The following ODAD1 variants were observed in gnomAD, a reference collection of about 807,000 sequenced individuals.
ODAD1 encodes the protein outer dynein arm docking complex subunit 1, also known as outer dynein arm-docking complex subunit 1.
Under a neutral mutation model 67.2 loss-of-function variants are expected in ODAD1, and 49 were observed. The ratio of observed to expected loss-of-function variants is 0.73; its 90% CI spans 0.58 to 0.92. ODAD1 has a LOEUF of 0.92. ODAD1 is among the 40% of genes least tolerant of loss of function. The pLI is 0.00. For synonymous variants in ODAD1, 345 were observed against 393.7 expected (o/e 0.88, Z 1.46); for missense variants, 897 against 953.7 (o/e 0.94, Z 0.78).
At chr19:48,313,447 C>A (rs113193629) in intron 5 of ODAD1, among the ~76,000 whole-genome samples, 10,979 of 74,134 alleles carry the variant, frequency 0.15, 1,025 homozygotes, top group Non-Finnish European at 0.18. Context: ...AAAAAAAAAA[C>A]CAAAAAAAAA....
chr19:48,299,535 G>A (rs1452358068), intron 12 of ODAD1, among the ~76,000 whole-genome samples: 1 of 152,014 alleles, frequency 6.6e-6, no homozygotes, highest in Non-Finnish European at 1.5e-5. Context: ...CCGGCGCAGT[G>A]GCTCACACCT....
chr19:48,313,032 G>A (rs968309887), intron 5 of ODAD1, among the ~76,000 whole-genome samples: 3 of 152,256 alleles, frequency 2.0e-5, no homozygotes, highest in East Asian at 3.9e-4. Flanking sequence ...CTCCCTGTCC[G>A]AGACAAAGAA....
chr19:48,321,936 C>G lies in ODAD1; in HGVS notation c.-322G>C, dbSNP rs1011556156. The G allele has an allele frequency of 1.0e-5, 4 of 396,062 alleles. No homozygotes were observed. Among genetic ancestry groups the G allele is most frequent in the African/African-American group, 8.2e-5 (4 of 48,600 alleles). The allele number at this position is 396,062 out of a possible 1,614,324, so 24.5% of individuals were successfully genotyped here. A position where few individuals can be genotyped will look rare whatever the true frequency, so the allele number is the denominator to read the frequency against. On this transcript the variant is annotated 5_prime_UTR_variant, in exon 1 of 16. Transcript: ENST00000674294. ...GCTTCCCGGGAAGCAGCCAAAAACG[C>G]TTGGCCGCCTACCACGTCCGCGCGC...
At chr19:48,305,878 G>T (rs1233850276) in intron 8 of ODAD1, among the ~76,000 whole-genome samples, 1 of 151,942 alleles carries the variant, frequency 6.6e-6, no homozygotes, top group Non-Finnish European at 1.5e-5. Flanking sequence ...GGTCAAGATG[G>T]TGAAACCCCA....
chr19:48,300,275 C>G (rs10424069), intron 12 of ODAD1, among the ~76,000 whole-genome samples: 27,174 of 151,978 alleles, frequency 0.18, 2,542 homozygotes, highest in Middle Eastern at 0.23. Context: ...TGCACTCCAG[C>G]CTGGGCAAAA....
chr19:48,307,042 G>A (rs1968624719), intron 7 of ODAD1, among the ~76,000 whole-genome samples: 1 of 152,122 alleles, frequency 6.6e-6, no homozygotes, highest in Non-Finnish European at 1.5e-5. Context: ...AAATTAACCA[G>A]GCGTGGTGGT....
chr19:48,314,086 T>C (rs2147331027), intron 5 of ODAD1, among the ~76,000 whole-genome samples: 1 of 151,776 alleles, frequency 6.6e-6, no homozygotes, highest in Admixed American at 6.6e-5. Context: ...CTACTAAACA[T>C]ACAAAAATTA....
chr19:48,320,895 C>A lies in ODAD1; in HGVS notation c.-63-84G>T, dbSNP rs77833948. 5.1e-3 allele frequency: 784 copies of A among 153,838 alleles called. 11 individuals carry two copies. The highest frequency in any genetic ancestry group is 0.018 in the African/African-American group (747 of 41,536). The allele number at this position is 153,838 out of a possible 1,614,324, so 9.5% of individuals were successfully genotyped here. A position where few individuals can be genotyped will look rare whatever the true frequency, so the allele number is the denominator to read the frequency against. On this transcript the variant is annotated intron_variant, in intron 1 of 15. Transcript: ENST00000674294. ...GCGGGAGAAACTATGGGAGGAGGGGCGGAGAAGGATGCGAGGCGTAGACCT... is the reference window on the plus strand; with the variant it reads ...GCGGGAGAAACTATGGGAGGAGGGGAGGAGAAGGATGCGAGGCGTAGACCT...
Position 48,297,220 on chromosome 19 carries a change from G to C in ODAD1, c.1880C>G (p.Ser627Cys). Reference sequence around the variant, plus strand: ...GTGGCCCCCACTCGAGGCACTGGTGGAGCCGAAGGTCACGTGGCCAGTGTT... The same window carrying C: ...GTGGCCCCCACTCGAGGCACTGGTGCAGCCGAAGGTCACGTGGCCAGTGTT... The part of the protein sequence containing the change: ...DPNTGHVTFG[S>C]TSASSGGHVT... The change falls in exon 16 of 16, where the codon TCC becomes TGC. Residue 627 changes from serine (S) to cysteine (C), a missense_variant. Physicochemically the swap from Ser to Cys is moderately radical, Grantham distance 112 (BLOSUM62 -1). Transcript: ENST00000674294. The C allele has an allele frequency of 6.2e-7, 1 of 1,614,166 alleles. No homozygotes were observed. Among genetic ancestry groups the C allele is most frequent in the Non-Finnish European group, 8.5e-7 (1 of 1,180,024 alleles).
chr19:48,318,947 C>T, intron 3 of ODAD1, 135 bp from the exon 4 acceptor site: 1 of 622,262 alleles, frequency 1.6e-6, no homozygotes, highest in Non-Finnish European at 2.9e-6. Context: ...CCCAACACCC[C>T]TCTAGGAATG....
intron 12 of ODAD1, among the ~76,000 whole-genome samples, chr19:48,301,333 A>G (rs1223453665): frequency 2.0e-5 from 3 of 152,204 alleles, no homozygotes; most frequent in Middle Eastern, 3.2e-3. Flanking sequence ...AGAGATGTAC[A>G]TGGATGATCC....
In ODAD1 at chr19:48,311,750, T is replaced by TA. The variant is rs1968771011; in HGVS notation, c.484-85dup. On this transcript the variant is annotated intron_variant, in intron 6 of 15. Transcript: ENST00000674294. Reference sequence around the variant, plus strand: ...CAAGCTCAGCCAAGGAGGAGACACTTATCAGAGGTTGGGCCGGCCTGTTTC... The same window carrying TA: ...CAAGCTCAGCCAAGGAGGAGACACTTAATCAGAGGTTGGGCCGGCCTGTTTC... 1.1e-5 allele frequency: 10 copies of TA among 908,262 alleles called. 1 individual carries two copies. The South Asian group carries it at 1.4e-4, about 13-fold the overall frequency. The allele number at this position is 908,262 out of a possible 1,614,324, so 56.3% of individuals were successfully genotyped here.
chr19:48,320,115 C>T, intron 3 of ODAD1, 184 bp downstream of exon 3: 7 of 987,770 alleles, frequency 7.1e-6, no homozygotes, highest in Non-Finnish European at 7.6e-6. Context: ...TCCAGCCTGC[C>T]CCACTGCCCA....
chr19:48,318,771 T>A lies in ODAD1; in HGVS notation c.112A>T (p.Met38Leu). 6.4e-7 allele frequency: 1 copy of A among 1,551,304 alleles called. No homozygotes were observed. The highest frequency in any genetic ancestry group is 8.7e-7 in the Non-Finnish European group (1 of 1,146,830). ...CTGTAGGCCCGCCTCTCCCCTTCCA[T>A]CACTTTGCATTGTCGCTGCAGCCTA... ...LSRLQRQCKV[M>L]EGERRAYSKE... The change falls in exon 4 of 16, where the codon ATG (methionine) becomes TTG (leucine). Residue 38 changes from methionine (M) to leucine (L), a missense_variant. Physicochemically the swap from Met to Leu is conservative, Grantham distance 15. Coordinates refer to ENST00000674294, the MANE Select transcript of ODAD1 (RefSeq NM_001364171.2).
intron 5 of ODAD1, among the ~76,000 whole-genome samples, chr19:48,315,299 C>T (rs917496234): frequency 2.0e-5 from 3 of 152,172 alleles, no homozygotes; most frequent in African/African-American, 7.2e-5. Flanking sequence ...AATCCCAGCA[C>T]TTTGGGAGGC....
chr19:48,318,445 GC>G lies in ODAD1; in HGVS notation c.301del (p.Ala101ProfsTer55), dbSNP rs1569012710. Reference sequence around the variant, plus strand: ...CTCCTCGATCTCCGCCTGCACCTGGGCCCGGCCCTTCAGCAGGCGGTCCATG... The same window carrying G: ...CTCCTCGATCTCCGCCTGCACCTGGGCCGGCCCTTCAGCAGGCGGTCCATG... ...ENMDRLLKGR[A>X]QVQAEIEELQ... is the part of the protein sequence containing the mutation. On this transcript the variant is annotated frameshift_variant, in exon 5 of 16. Transcript: ENST00000674294. LOFTEE classifies it high-confidence loss of function. 1 of 1,551,616 alleles carries G rather than the reference GC, an allele frequency of 6.4e-7. No homozygotes were observed. The highest frequency in any genetic ancestry group is 8.7e-7 in the Non-Finnish European group (1 of 1,146,974).
At chr19:48,308,178 CTT>C (rs1293767714) in intron 7 of ODAD1, among the ~76,000 whole-genome samples, 10 of 143,468 alleles carry the variant, frequency 7.0e-5, no homozygotes, top group African/African-American at 1.0e-4. Flanking sequence ...TTCCTTTTTG[CTT>C]TTTTTTTTTT....
At chr19:48,308,776 G>A (rs960034868) in intron 7 of ODAD1, among the ~76,000 whole-genome samples, 6 of 152,088 alleles carry the variant, frequency 3.9e-5, no homozygotes, top group African/African-American at 1.2e-4. Flanking sequence ...CCTCCTGGGC[G>A]GGACTACAGC....
intron 5 of ODAD1, among the ~76,000 whole-genome samples, chr19:48,314,780 A>C (rs1569010878): frequency 6.6e-6 from 1 of 151,938 alleles, no homozygotes; most frequent in Non-Finnish European, 1.5e-5. Flanking sequence ...ATCTCTACTA[A>C]AAATACAAAA....
Sources: gnomAD v4.1 joint callset for allele counts (sites outside exome capture counted in the v4.1 genomes callset) on GRCh38, gnomAD v4.1.1 for gene constraint, MANE v1.5 for transcripts, NCBI Gene and HGNC (gene_info 2026-07-23, HGNC 2026-07-21) for gene names.